The following MRM1 variants were observed in gnomAD, a reference collection of about 807,000 sequenced individuals.
The protein encoded by MRM1 is rRNA methyltransferase 1, mitochondrial.
MRM1 carries 24 observed loss-of-function variants against 25.0 expected under a neutral mutation model. That is an observed-to-expected ratio of 0.96 (90% confidence interval 0.69 to 1.35). The LOEUF is 1.35. MRM1 is among the 40% of genes most tolerant of loss of function. The pLI is 0.00. For synonymous variants in MRM1, 188 were observed against 199.2 expected, an observed-to-expected ratio of 0.94 and a Z score of 0.47; for missense variants, 431 against 464.1, an observed-to-expected ratio of 0.93 and a Z score of 0.65.
chr17:36,618,566 T>A, the MRM1 span, among the ~76,000 whole-genome samples: 1 of 152,044 alleles, frequency 6.6e-6, no homozygotes, highest in Non-Finnish European at 1.5e-5. Context: ...TAGGCCAGCG[T>A]GGCTGGAGAG....
the MRM1 span, among the ~76,000 whole-genome samples, chr17:36,630,433 C>T: frequency 6.6e-6 from 1 of 152,172 alleles, no homozygotes; most frequent in East Asian, 1.9e-4. Flanking sequence ...CGTCCGTTGT[C>T]TGGGGCTCTG....
At chr17:36,628,528 A>G in the MRM1 span, among the ~76,000 whole-genome samples, 6 of 152,164 alleles carry the variant, frequency 3.9e-5, no homozygotes, top group Non-Finnish European at 5.9e-5. Flanking sequence ...GAAAATGGAC[A>G]TGCAGGATGC....
At chr17:36,612,121 C>T (rs1049749919), downstream of MRM1, among the ~76,000 whole-genome samples, 2 of 152,122 alleles carry the variant, frequency 1.3e-5, no homozygotes, top group African/African-American at 4.8e-5. Context: ...CCCCACCCCC[C>T]ACAGACTCCT....
chr17:36,605,001 A>G (rs2074915504), intron 2 of MRM1, among the ~76,000 whole-genome samples: 1 of 150,458 alleles, frequency 6.6e-6, no homozygotes, highest in South Asian at 2.1e-4. Flanking sequence ...TTACCTGGGC[A>G]TGGTGGCGGG....
chr17:36,613,095 G>A (rs1030316036), downstream of MRM1, among the ~76,000 whole-genome samples: 2 of 152,132 alleles, frequency 1.3e-5, no homozygotes, highest in African/African-American at 2.4e-5. Context: ...AGAAGAATTG[G>A]CAGTGACTTG....
downstream of MRM1, among the ~76,000 whole-genome samples, chr17:36,610,206 G>A (rs1321513141): frequency 1.3e-5 from 2 of 150,084 alleles, no homozygotes; most frequent in Non-Finnish European, 3.0e-5. Context: ...GGCATTACAG[G>A]TGTGAACCTG....
intron 2 of MRM1, among the ~76,000 whole-genome samples, chr17:36,606,654 G>C (rs1298466221): frequency 1.3e-5 from 2 of 151,228 alleles, no homozygotes; most frequent in East Asian, 3.9e-4. Flanking sequence ...TGTTGCCCAG[G>C]CTGGAGGCAG....
chr17:36,611,617 G>A (rs542888823), downstream of MRM1, among the ~76,000 whole-genome samples: 1 of 152,210 alleles, frequency 6.6e-6, no homozygotes, highest in East Asian at 1.9e-4. Flanking sequence ...GTTTACATTG[G>A]TAGACTGAGT....
chr17:36,616,088 A>G, the MRM1 span, among the ~76,000 whole-genome samples: 3 of 152,122 alleles, frequency 2.0e-5, no homozygotes, highest in Non-Finnish European at 4.4e-5. Context: ...CCCGCCCTCT[A>G]GGAATATCCC....
At chr17:36,623,939 G>A in the MRM1 span, among the ~76,000 whole-genome samples, 5 of 152,318 alleles carry the variant, frequency 3.3e-5, no homozygotes, top group Middle Eastern at 3.4e-3. Context: ...CCCATGCACC[G>A]TCTTCCTTGG....
intron 2 of MRM1, chr17:36,603,188 A>G (rs933180406): frequency 3.9e-6 from 2 of 517,188 alleles, no homozygotes; most frequent in East Asian, 3.4e-4. Context: ...CCCCCACCCC[A>G]ACTGCAGGGT....
chr17:36,624,952 C>T, the MRM1 span, among the ~76,000 whole-genome samples: 9 of 152,064 alleles, frequency 5.9e-5, no homozygotes, highest in Non-Finnish European at 1.3e-4. The surrounding 1 kb of genome is among the most constrained non-coding windows in gnomAD (Gnocchi z 4.0). Flanking sequence ...AGGATGCTGA[C>T]GTGAAGGAAG....
chr17:36,633,199 TC>T, the MRM1 span, among the ~76,000 whole-genome samples: 4 of 152,040 alleles, frequency 2.6e-5, no homozygotes, highest in East Asian at 7.7e-4. Flanking sequence ...CCCTCCCGTC[TC>T]CCCTTCTCCC....
the MRM1 span, among the ~76,000 whole-genome samples, chr17:36,632,891 C>A: frequency 6.6e-6 from 1 of 152,048 alleles, no homozygotes; most frequent in South Asian, 2.1e-4. Flanking sequence ...TGGGCAAAGG[C>A]CTTCAGTGAG....
At position 36,607,934 on chromosome 17, in the gene MRM1, G is replaced by A. The variant is rs1213950660; in HGVS notation, c.805G>A (p.Ala269Thr). The change falls in exon 4 of 5, where the codon GCC becomes ACC. Residue 269 changes from alanine to threonine, a missense_variant. Transcript: ENST00000614766. ...EGSGLSQEVQ[A>T]SCQLLLTILP... ...CTCAGGTCTATCCCAGGAGGTGCAG[G>A]CCTCCTGCCAGCTTCTCCTCACCAT... 3 of 1,614,076 alleles carry A rather than the reference G, an allele frequency of 1.9e-6. No individual in the cohort carries two copies. Among genetic ancestry groups the A allele is most frequent in the African/African-American group, 2.7e-5 (2 of 75,034 alleles).
At position 36,608,235 on chromosome 17, in the gene MRM1, C is replaced by T. The variant is rs762009558; in HGVS notation, c.890-8C>T. The T allele has an allele frequency of 5.1e-6, 8 of 1,553,742 alleles. No individual in the cohort carries two copies. On this transcript the variant is annotated splice_region_variant and splice_polypyrimidine_tract_variant and intron_variant, in intron 4 of 4. Transcript: ENST00000614766. The stretch of plus-strand genomic sequence containing the variant: ...GTCCTCTCTTCCCTTGTCCTTGTGT[C>T]TGTGCAGGAATTCTTCTTCACTCCA...
chr17:36,601,755 G>A lies in MRM1; in HGVS notation c.-56G>A. ...AGCCTGGGAGCGAACTGCGGCGCGG[G>A]TTACCGCTCCCGGGGACGCAGCAAG... On this transcript the variant is annotated 5_prime_UTR_variant, in exon 1 of 5. Coordinates refer to ENST00000614766, the MANE Select transcript of MRM1 (RefSeq NM_024864.5). 6.7e-7 allele frequency: 1 copy of A among 1,492,146 alleles called. No homozygotes were observed. Among genetic ancestry groups the A allele is most frequent in the Non-Finnish European group, 8.9e-7 (1 of 1,124,624 alleles). The allele number at this position is 1,492,146 out of a possible 1,614,324, so 92.4% of individuals were successfully genotyped here.
the MRM1 span, among the ~76,000 whole-genome samples, chr17:36,632,158 T>C: frequency 6.6e-6 from 1 of 151,340 alleles, no homozygotes; most frequent in Non-Finnish European, 1.5e-5. Context: ...GTTCTAGAGG[T>C]TTTTGATGTG....
At chr17:36,619,992 C>T in the MRM1 span, among the ~76,000 whole-genome samples, 1 of 152,104 alleles carries the variant, frequency 6.6e-6, no homozygotes, top group Non-Finnish European at 1.5e-5. Flanking sequence ...ACTTGTGTGT[C>T]GTCTTTGGAG....
Sources: gnomAD v4.1 joint callset for allele counts (sites outside exome capture counted in the v4.1 genomes callset) on GRCh38, gnomAD v4.1.1 for gene constraint, Gnocchi (gnomAD v3.1) non-coding constraint, MANE v1.5 for transcripts, NCBI Gene and HGNC (gene_info 2026-07-23, HGNC 2026-07-21) for gene names.